Variants in BRINP3 observed in about 807,000 individuals in gnomAD.
The protein encoded by BRINP3 is BMP/retinoic acid inducible neural specific 3, also known as BMP/retinoic acid-inducible neural-specific protein 3.
A neutral mutation model predicts 71.0 loss-of-function variants in BRINP3; 19 were observed. The ratio of observed to expected loss-of-function variants is 0.27; its 90% confidence interval spans 0.19 to 0.39. The LOEUF (loss-of-function observed/expected upper bound fraction) is 0.39. BRINP3 is among the 10% of genes least tolerant of loss of function. BRINP3 has a pLI of 1.00. For synonymous variants in BRINP3, 380 were observed against 337.7 expected (o/e 1.13, Z -1.37); for missense variants, 959 against 940.8 (o/e 1.02, Z -0.25).
chr1:190,385,279 C>T (rs1393768648), intron 2 of BRINP3, among the ~76,000 whole-genome samples: 1 of 152,074 alleles, frequency 6.6e-6, no homozygotes, highest in African/African-American at 2.4e-5. Flanking sequence ...AAACTACCAT[C>T]AGAGTGAACA....
At chr1:190,156,757 T>G (rs1254156519) in intron 7 of BRINP3, among the ~76,000 whole-genome samples, 1 of 152,030 alleles carries the variant, frequency 6.6e-6, no homozygotes, top group Non-Finnish European at 1.5e-5. Context: ...GTGGCAATAT[T>G]TGACTTATTT....
intron 6 of BRINP3, among the ~76,000 whole-genome samples, chr1:190,170,146 T>C (rs1281646994): frequency 6.6e-6 from 1 of 152,276 alleles, no homozygotes; most frequent in East Asian, 1.9e-4. Flanking sequence ...AATATTATCA[T>C]ATTCAATCTC....
intron 5 of BRINP3, among the ~76,000 whole-genome samples, chr1:190,227,924 A>C (rs1018874983): frequency 1.3e-5 from 2 of 151,936 alleles, no homozygotes; most frequent in Non-Finnish European, 2.9e-5. Flanking sequence ...CATGTGGGAT[A>C]CTAAGAGTGG....
chr1:190,254,063 G>C (rs961376926), intron 4 of BRINP3, among the ~76,000 whole-genome samples: 4 of 152,068 alleles, frequency 2.6e-5, no homozygotes, highest in African/African-American at 9.7e-5. Context: ...GTTTGTCAAG[G>C]ATCAGATGGT....
chr1:190,445,573 T>TCACA lies in BRINP3; in HGVS notation c.236+9078_236+9081dup, dbSNP rs34406812. 5.4e-3 allele frequency among the ~76,000 whole-genome samples: 803 copies of TCACA among 148,896 alleles called. 5 individuals are homozygous for TCACA. Among genetic ancestry groups the TCACA allele is most frequent in the African/African-American group, 0.017 (696 of 40,604 alleles). On this transcript the variant is annotated intron_variant, in intron 2 of 7. Transcript: ENST00000367462. ...ACACACGCACGTGCATAACACATAC[T>TCACA]CACACACACACACACACACACACCC...
chr1:190,314,313 C>G (rs559229230), intron 2 of BRINP3, among the ~76,000 whole-genome samples: 2 of 152,078 alleles, frequency 1.3e-5, no homozygotes, highest in African/African-American at 2.4e-5. Context: ...AGAATAATTG[C>G]CTTCCCCAAA....
chr1:190,238,240 C>G (rs1658712460), intron 4 of BRINP3, among the ~76,000 whole-genome samples: 1 of 151,892 alleles, frequency 6.6e-6, no homozygotes, highest in Non-Finnish European at 1.5e-5. Flanking sequence ...AGAACAATAA[C>G]TATATTTGGC....
chr1:190,249,267 C>A (rs1237747522), intron 4 of BRINP3, among the ~76,000 whole-genome samples: 1 of 151,800 alleles, frequency 6.6e-6, no homozygotes, highest in Non-Finnish European at 1.5e-5. Context: ...AAGCACAGCA[C>A]AGACACTGAA....
Position 190,148,674 on chromosome 1 carries a change from T to C in BRINP3, c.1184+11994A>G, listed in dbSNP as rs529669201. Among the ~76,000 whole-genome samples, 227 of 151,928 alleles carry C rather than the reference T, an allele frequency of 1.5e-3. 1 individual carries two copies. The highest frequency in any genetic ancestry group is 5.4e-3 in the African/African-American group (225 of 41,508). ...AAATTCTATCTCCTCATTCTTTATTTATAGTACTGCATTAGCTTGTTTTAC... is the reference window on the plus strand; with the variant it reads ...AAATTCTATCTCCTCATTCTTTATTCATAGTACTGCATTAGCTTGTTTTAC... On this transcript the variant is annotated intron_variant, in intron 7 of 7. Transcript: ENST00000367462.
Position 190,444,279 on chromosome 1 carries a change from G to A in BRINP3, c.236+10376C>T, listed in dbSNP as rs549947303. On this transcript the variant is annotated intron_variant, in intron 2 of 7. Coordinates refer to ENST00000367462, the MANE Select transcript of BRINP3 (RefSeq NM_199051.3). ...AAAAAAAAAAAAAAAAAATCCCTTTGTTCTCTGGAATGAATTTTAATGGGG... is the reference window on the plus strand; with the variant it reads ...AAAAAAAAAAAAAAAAAATCCCTTTATTCTCTGGAATGAATTTTAATGGGG... Among the ~76,000 whole-genome samples the A allele has an allele frequency of 1.9e-3, 210 of 108,280 alleles. 2 individuals are homozygous for A. The highest frequency in any genetic ancestry group is 2.5e-3 in the Non-Finnish European group (129 of 51,282). The allele number at this position is 108,280 out of a possible 152,430, so 71.0% of individuals were successfully genotyped here.
intron 2 of BRINP3, among the ~76,000 whole-genome samples, chr1:190,333,423 G>C (rs1667089658): frequency 6.6e-6 from 1 of 151,678 alleles, no homozygotes; most frequent in Non-Finnish European, 1.5e-5. Flanking sequence ...GATATCAAGA[G>C]AGTGAAAAAA....
At chr1:190,105,495 C>T (rs1179767785) in intron 7 of BRINP3, among the ~76,000 whole-genome samples, 1 of 152,152 alleles carries the variant, frequency 6.6e-6, no homozygotes, top group African/African-American at 2.4e-5. Context: ...ATTTCATTTT[C>T]ACAACTCTCA....
Position 190,397,770 on chromosome 1 carries a change from AT to A in BRINP3, c.236+56884del, listed in dbSNP as rs568981161. On this transcript the variant is annotated intron_variant, in intron 2 of 7. Coordinates refer to ENST00000367462, the MANE Select transcript of BRINP3 (RefSeq NM_199051.3). ...ATAATTAAATTAAATAATTTTAATT[AT>A]TAAAAATCTCCTTACAATTTATTAA... 6.2e-3 allele frequency among the ~76,000 whole-genome samples: 940 copies of A among 152,054 alleles called. 15 individuals are homozygous for A. Among genetic ancestry groups the A allele is most frequent in the African/African-American group, 0.021 (875 of 41,528 alleles).
intron 2 of BRINP3, among the ~76,000 whole-genome samples, chr1:190,303,023 C>G (rs987369577): frequency 2.6e-5 from 4 of 151,520 alleles, no homozygotes; most frequent in Non-Finnish European, 5.9e-5. Flanking sequence ...GGTATATCAC[C>G]TTCAAAATGA....
intron 7 of BRINP3, among the ~76,000 whole-genome samples, chr1:190,151,597 G>C (rs953405887): frequency 2.6e-5 from 4 of 152,126 alleles, no homozygotes; most frequent in African/African-American, 7.2e-5. Flanking sequence ...AAGGTTATAA[G>C]AAAGAAATCT....
intron 6 of BRINP3, among the ~76,000 whole-genome samples, chr1:190,168,935 CT>C (rs1651786836): frequency 6.6e-6 from 1 of 152,080 alleles, no homozygotes; most frequent in Non-Finnish European, 1.5e-5. Flanking sequence ...CACAATTTTT[CT>C]TTCATATGTC....
intron 7 of BRINP3, among the ~76,000 whole-genome samples, chr1:190,145,164 A>ATC (rs921779367): frequency 8.5e-5 from 13 of 152,142 alleles, no homozygotes; most frequent in African/African-American, 3.1e-4. Context: ...ATTATATATA[A>ATC]TCTCTCTCTC....
At position 190,457,460 on chromosome 1, in the gene BRINP3, A is replaced by AAAAAC. The variant is rs71561668; in HGVS notation, c.-50-2525_-50-2521dup. On this transcript the variant is annotated intron_variant, in intron 1 of 7. Transcript: ENST00000367462. Reference sequence around the variant, plus strand: ...CTCTGTCTCAAAAAAACACAAAAACAAAAACAAAACAAAAACACCCAGCCC... The same window carrying AAAAAC: ...CTCTGTCTCAAAAAAACACAAAAACAAAAACAAAACAAAACAAAAACACCCAGCCC... 2.9e-3 allele frequency among the ~76,000 whole-genome samples: 432 copies of AAAAAC among 151,348 alleles called. 2 individuals are homozygous for AAAAAC. Among genetic ancestry groups the AAAAAC allele is most frequent in the African/African-American group, 9.8e-3 (406 of 41,230 alleles).
intron 4 of BRINP3, among the ~76,000 whole-genome samples, chr1:190,259,127 A>C (rs917541006): frequency 6.6e-6 from 1 of 151,952 alleles, no homozygotes; most frequent in African/African-American, 2.4e-5. Context: ...AGTGGAAGGA[A>C]TATTTCCCGA....
Sources: gnomAD v4.1 joint callset for allele counts (sites outside exome capture counted in the v4.1 genomes callset) on GRCh38, gnomAD v4.1.1 for gene constraint, MANE v1.5 for transcripts, NCBI Gene and HGNC (gene_info 2026-07-23, HGNC 2026-07-21) for gene names.